Variants in NKAIN2 observed in about 807,000 individuals in gnomAD.
The protein encoded by NKAIN2 is sodium/potassium-transporting ATPase subunit beta-1-interacting protein 2.
In NKAIN2, 14 loss-of-function variants were observed where a neutral mutation model predicts 32.6. That is an observed-to-expected ratio of 0.43 (90% CI 0.28 to 0.67). NKAIN2 has a LOEUF of 0.67. Ranked by LOEUF, NKAIN2 falls within the 30% of genes least tolerant of loss-of-function variation. The probability of loss-of-function intolerance (pLI) is 0.17; values close to 1 mark genes in which losing one functional copy is unlikely to be tolerated. For missense variants in NKAIN2, 198 were observed against 258.3 expected, an observed-to-expected ratio of 0.77 and a Z score of 1.60; for synonymous variants, 80 against 87.2, an observed-to-expected ratio of 0.92 and a Z score of 0.46.
At chr6:124,230,598 C>G (rs1049539734) in intron 1 of NKAIN2, among the ~76,000 whole-genome samples, 1 of 152,146 alleles carries the variant, frequency 6.6e-6, no homozygotes, top group Non-Finnish European at 1.5e-5. Context: ...TGTTTGCAGT[C>G]TAGGGACTTG....
At chr6:124,214,964 A>T (rs1000591670) in intron 1 of NKAIN2, among the ~76,000 whole-genome samples, 3 of 152,172 alleles carry the variant, frequency 2.0e-5, no homozygotes, top group Admixed American at 2.0e-4. Flanking sequence ...GATTTTTGAG[A>T]AAAGCTGCCG....
chr6:124,461,427 A>G (rs1776527190), intron 3 of NKAIN2, among the ~76,000 whole-genome samples: 1 of 151,672 alleles, frequency 6.6e-6, no homozygotes, highest in South Asian at 2.1e-4. Context: ...CTTTTCTACC[A>G]ACTTCAGTTG....
At chr6:123,995,856 G>A (rs1411081312) in intron 1 of NKAIN2, among the ~76,000 whole-genome samples, 1 of 152,110 alleles carries the variant, frequency 6.6e-6, no homozygotes. Context: ...GAAATATTAT[G>A]TCTGTCATTC....
chr6:124,727,356 C>A (rs1408915393), intron 4 of NKAIN2, among the ~76,000 whole-genome samples: 2 of 152,164 alleles, frequency 1.3e-5, no homozygotes, highest in Admixed American at 1.3e-4. Context: ...AACAGTGGAT[C>A]TCTTGGCAGA....
chr6:124,513,835 C>G (rs1283323569), intron 3 of NKAIN2, among the ~76,000 whole-genome samples: 1 of 152,088 alleles, frequency 6.6e-6, no homozygotes, highest in Non-Finnish European at 1.5e-5. Flanking sequence ...TTTAACCTAA[C>G]CGGATTCCAC....
chr6:124,323,778 T>TTTTC (rs1491217853), intron 2 of NKAIN2, among the ~76,000 whole-genome samples: 5,301 of 134,906 alleles, frequency 0.039, 294 homozygotes, highest in East Asian at 0.19. Flanking sequence ...ATTCTTTTAA[T>TTTTC]TTTTTCTTTT....
At chr6:124,232,071 T>C (rs1792491135) in intron 1 of NKAIN2, among the ~76,000 whole-genome samples, 1 of 152,166 alleles carries the variant, frequency 6.6e-6, no homozygotes, top group Non-Finnish European at 1.5e-5. Flanking sequence ...TCTCACAAAC[T>C]TTTTAAGAAT....
At chr6:124,266,767 G>A (rs2114861705) in intron 1 of NKAIN2, among the ~76,000 whole-genome samples, 1 of 152,334 alleles carries the variant, frequency 6.6e-6, no homozygotes, top group Non-Finnish European at 1.5e-5. Flanking sequence ...ATGGGCTTCA[G>A]TTGTCAGGTC....
intron 1 of NKAIN2, among the ~76,000 whole-genome samples, chr6:124,094,434 T>A (rs1483039629): frequency 6.6e-6 from 1 of 152,144 alleles, no homozygotes; most frequent in Non-Finnish European, 1.5e-5. Flanking sequence ...CCTCAGAAAT[T>A]GTGTCTTTGC....
At chr6:124,633,870 G>A (rs1783669639) in intron 3 of NKAIN2, among the ~76,000 whole-genome samples, 1 of 152,130 alleles carries the variant, frequency 6.6e-6, no homozygotes, top group Non-Finnish European at 1.5e-5. Flanking sequence ...GCACAACCAT[G>A]CATGTGCCTC....
At chr6:124,211,859 CAA>C (rs1791194503) in intron 1 of NKAIN2, among the ~76,000 whole-genome samples, 1 of 152,064 alleles carries the variant, frequency 6.6e-6, no homozygotes, top group South Asian at 2.1e-4. Flanking sequence ...GCCAATTATA[CAA>C]ACTTTTCACC....
chr6:124,086,162 A>C (rs983074649), intron 1 of NKAIN2, among the ~76,000 whole-genome samples: 3 of 151,978 alleles, frequency 2.0e-5, no homozygotes, highest in African/African-American at 7.2e-5. Flanking sequence ...GTATCTTCAC[A>C]TCTGCTCCAA....
At chr6:124,420,058 G>A (rs944481828) in intron 3 of NKAIN2, among the ~76,000 whole-genome samples, 3 of 152,082 alleles carry the variant, frequency 2.0e-5, no homozygotes, top group African/African-American at 7.2e-5. Flanking sequence ...TAGCCAGGGT[G>A]AGTTAAAGAT....
chr6:123,997,450 A>G lies in NKAIN2; in HGVS notation c.54+193196A>G, dbSNP rs1779669032. On this transcript the variant is annotated intron_variant, in intron 1 of 6. Coordinates refer to ENST00000368417, the MANE Select transcript of NKAIN2 (RefSeq NM_001040214.3). ...AGCCAGCTGTCTTGGACCAGTGCCAACTCACAATGGTCTTATCAACCAGCA... is the reference window on the plus strand; with the variant it reads ...AGCCAGCTGTCTTGGACCAGTGCCAGCTCACAATGGTCTTATCAACCAGCA... Among the ~76,000 whole-genome samples, 16 of 152,282 alleles carry G rather than the reference A, an allele frequency of 1.1e-4. No individual in the cohort carries two copies. In the South Asian group the frequency reaches 3.3e-3, roughly 32 times the overall value.
intron 5 of NKAIN2, among the ~76,000 whole-genome samples, chr6:124,815,284 A>G (rs1187634901): frequency 6.8e-6 from 1 of 147,948 alleles, no homozygotes; most frequent in South Asian, 2.1e-4. Context: ...GTATATATGT[A>G]TATATTTGAG....
chr6:124,272,033 TG>T (rs1398276276), intron 1 of NKAIN2, among the ~76,000 whole-genome samples: 2 of 152,164 alleles, frequency 1.3e-5, no homozygotes, highest in African/African-American at 2.4e-5. Context: ...GGTTTGGAAT[TG>T]GAACTTACAT....
At chr6:123,810,225 A>AC (rs1221922320) in intron 1 of NKAIN2, among the ~76,000 whole-genome samples, 1 of 152,116 alleles carries the variant, frequency 6.6e-6, no homozygotes, top group African/African-American at 2.4e-5. Context: ...TTGGATTCAA[A>AC]CCCGGGTCTG....
intron 3 of NKAIN2, among the ~76,000 whole-genome samples, chr6:124,358,389 C>G (rs944499879): frequency 6.6e-6 from 1 of 152,060 alleles, no homozygotes; most frequent in Admixed American, 6.6e-5. Context: ...TACAGTCCCA[C>G]CAACAGTGTA....
At position 123,997,129 on chromosome 6, in the gene NKAIN2, G is replaced by A. The variant is rs1582902715; in HGVS notation, c.54+192875G>A. 2.0e-5 allele frequency among the ~76,000 whole-genome samples: 3 copies of A among 152,122 alleles called. No homozygotes were observed. In the East Asian group the frequency reaches 5.8e-4, roughly 29 times the overall value. On this transcript the variant is annotated intron_variant, in intron 1 of 6. Transcript: ENST00000368417. ...ACCATGTCAGTAGATCTAGTACAAC[G>A]TGTGATCAGAAGATAAAGGTGTTAA...
Sources: gnomAD v4.1 joint callset for allele counts (sites outside exome capture counted in the v4.1 genomes callset) on GRCh38, gnomAD v4.1.1 for gene constraint, MANE v1.5 for transcripts, NCBI Gene and HGNC (gene_info 2026-07-23, HGNC 2026-07-21) for gene names.